The following SHISA9 variants were observed in gnomAD, a reference collection of about 807,000 sequenced individuals.
SHISA9 encodes the protein protein shisa-9.
In SHISA9, 13 loss-of-function variants were observed where a neutral mutation model predicts 38.0. The ratio of observed to expected loss-of-function variants is 0.34; its 90% CI spans 0.22 to 0.54. The LOEUF (loss-of-function observed/expected upper bound fraction) is 0.54. Among genes scored for constraint, SHISA9 ranks in the 20% least tolerant of loss-of-function variants. SHISA9 has a pLI of 0.91. For missense variants in SHISA9, 538 were observed against 575.8 expected (o/e 0.93, Z 0.67); for synonymous variants, 275 against 242.0 (o/e 1.14, Z -1.27).
chr16:13,521,140 TG>T, the SHISA9 span, among the ~76,000 whole-genome samples: 1 of 152,222 alleles, frequency 6.6e-6, no homozygotes, highest in African/African-American at 2.4e-5. Flanking sequence ...GTGATCATTC[TG>T]TACAAACTGT....
chr16:12,908,129 A>ACATGGCTACTGCTTAG (rs55838036), intron 1 of SHISA9, among the ~76,000 whole-genome samples: 1 of 152,016 alleles, frequency 6.6e-6, no homozygotes, highest in Non-Finnish European at 1.5e-5. Context: ...AGGACCTGTC[A>ACATGGCTACTGCTTAG]CAACTATTAC....
the SHISA9 span, among the ~76,000 whole-genome samples, chr16:13,400,999 A>C: frequency 4.6e-5 from 7 of 152,194 alleles, no homozygotes; most frequent in Admixed American, 4.6e-4. Flanking sequence ...TCTCCAGCTT[A>C]AGCATGCATC....
At chr16:13,444,427 G>T in the SHISA9 span, among the ~76,000 whole-genome samples, 1 of 150,824 alleles carries the variant, frequency 6.6e-6, no homozygotes, top group African/African-American at 2.4e-5. Context: ...GAGGAAGGAA[G>T]GAAGGAAGGA....
At chr16:13,257,050 G>T in the SHISA9 span, among the ~76,000 whole-genome samples, 1 of 152,094 alleles carries the variant, frequency 6.6e-6, no homozygotes, top group Non-Finnish European at 1.5e-5. Flanking sequence ...ATTATGTCAG[G>T]GTACAAACGA....
chr16:13,193,604 C>T (rs1405499319), intron 2 of SHISA9, among the ~76,000 whole-genome samples: 1 of 152,194 alleles, frequency 6.6e-6, no homozygotes, highest in Non-Finnish European at 1.5e-5. Flanking sequence ...CCTTGGACTC[C>T]CAAAGTGCTG....
At chr16:13,462,752 A>C in the SHISA9 span, among the ~76,000 whole-genome samples, 1 of 152,062 alleles carries the variant, frequency 6.6e-6, no homozygotes. Context: ...ACCTGAAGTC[A>C]GAAGTTCGAG....
chr16:13,091,654 T>G (rs893004581), intron 2 of SHISA9, among the ~76,000 whole-genome samples: 6 of 152,178 alleles, frequency 3.9e-5, no homozygotes, highest in Non-Finnish European at 7.3e-5. Flanking sequence ...CTCCATCAGG[T>G]TATTTAAAGT....
At chr16:13,411,784 C>T in the SHISA9 span, among the ~76,000 whole-genome samples, 1 of 152,200 alleles carries the variant, frequency 6.6e-6, no homozygotes, top group Admixed American at 6.5e-5. Context: ...GAGATGGCTG[C>T]CTGTGTCTCC....
At chr16:12,966,763 T>C (rs895904102) in intron 2 of SHISA9, among the ~76,000 whole-genome samples, 3 of 152,112 alleles carry the variant, frequency 2.0e-5, no homozygotes, top group Non-Finnish European at 4.4e-5. Context: ...ACTGAGTAAA[T>C]GAATGAAAAG....
At chr16:13,296,765 C>T in the SHISA9 span, among the ~76,000 whole-genome samples, 1 of 151,642 alleles carries the variant, frequency 6.6e-6, no homozygotes, top group Non-Finnish European at 1.5e-5. Context: ...GTTGTGGGTG[C>T]CTGTAATCCC....
the SHISA9 span, among the ~76,000 whole-genome samples, chr16:13,333,164 C>T: frequency 0.14 from 21,947 of 152,028 alleles, 1,652 homozygotes; most frequent in South Asian, 0.22. Flanking sequence ...GTGCATGATG[C>T]AATTGGAACA....
intron 2 of SHISA9, among the ~76,000 whole-genome samples, chr16:13,193,335 G>A (rs1179000130): frequency 6.6e-6 from 1 of 152,070 alleles, no homozygotes; most frequent in East Asian, 1.9e-4. Flanking sequence ...CATGGTTAAT[G>A]TGCCTTTTCC....
chr16:13,256,108 G>A, the SHISA9 span, among the ~76,000 whole-genome samples: 1 of 152,064 alleles, frequency 6.6e-6, no homozygotes, highest in Non-Finnish European at 1.5e-5. Flanking sequence ...TCTACCACCT[G>A]GCCTGCCTGT....
the SHISA9 span, among the ~76,000 whole-genome samples, chr16:13,266,094 A>T: frequency 6.6e-6 from 1 of 152,204 alleles, no homozygotes; most frequent in African/African-American, 2.4e-5. Flanking sequence ...ATATGTTTTT[A>T]AATATCAAAG....
chr16:13,444,982 C>CCATATATATATATA, the SHISA9 span, among the ~76,000 whole-genome samples: 5 of 106,248 alleles, frequency 4.7e-5, no homozygotes, highest in African/African-American at 1.4e-4. Context: ...CCATGCCTAG[C>CCATATATATATATA]TATATATATA....
the SHISA9 span, among the ~76,000 whole-genome samples, chr16:13,376,066 A>G: frequency 6.6e-6 from 1 of 152,238 alleles, no homozygotes; most frequent in African/African-American, 2.4e-5. Context: ...GAAGAAGTCC[A>G]TCTTGGACAT....
the SHISA9 span, among the ~76,000 whole-genome samples, chr16:13,269,206 G>A: frequency 6.6e-6 from 1 of 152,160 alleles, no homozygotes; most frequent in East Asian, 1.9e-4. Context: ...GGCTTTTGTG[G>A]CACCTATGCA....
At chr16:12,995,578 G>T (rs1169027552) in intron 2 of SHISA9, among the ~76,000 whole-genome samples, 2 of 152,130 alleles carry the variant, frequency 1.3e-5, no homozygotes, top group East Asian at 1.9e-4. Context: ...TGTTCATCTG[G>T]CATTCAGCCC....
chr16:13,530,225 C>T, the SHISA9 span, among the ~76,000 whole-genome samples: 3 of 152,158 alleles, frequency 2.0e-5, no homozygotes, highest in Non-Finnish European at 2.9e-5. Flanking sequence ...CACCTGAACC[C>T]GGGAGGCAGA....
Sources: allele counts gnomAD v4.1 joint callset (sites outside exome capture counted in the v4.1 genomes callset), GRCh38; gene constraint gnomAD v4.1.1; transcripts MANE v1.5; gene names NCBI Gene and HGNC (gene_info 2026-07-23, HGNC 2026-07-21).